CDO1: variants seen among roughly 807,000 people sequenced by gnomAD.
The protein encoded by CDO1 is cysteine dioxygenase type 1.
A neutral mutation model predicts 24.5 loss-of-function variants in CDO1; 19 were observed. That is an observed-to-expected ratio of 0.77 (90% CI 0.54 to 1.14). The LOEUF is 1.14. Ranked by LOEUF, CDO1 falls within the 50% of genes most tolerant of loss-of-function variation. The pLI is 0.00. For synonymous variants in CDO1, 91 were observed against 87.0 expected, an observed-to-expected ratio of 1.05 and a Z score of -0.26; for missense variants, 244 against 244.8, an observed-to-expected ratio of 1.00 and a Z score of 0.02.
rs1387767927 is a variant in CDO1, at chr5:115,805,270, C to T, written c.*163G>A. On this transcript the variant is annotated 3_prime_UTR_variant, in exon 5 of 5. Coordinates refer to ENST00000250535, the MANE Select transcript of CDO1 (RefSeq NM_001801.3). Reference sequence around the variant, plus strand: ...TTTTCTTCTGCAGTAGCTGAGGGCACTATTTGCTTACTTAATGCCTTATAA... The same window carrying T: ...TTTTCTTCTGCAGTAGCTGAGGGCATTATTTGCTTACTTAATGCCTTATAA... The T allele has an allele frequency of 1.2e-5, 7 of 563,432 alleles. No individual in the cohort carries two copies. The Admixed American group carries it at 1.4e-4, about 11-fold the overall frequency. The allele number at this position is 563,432 out of a possible 1,614,324, so 34.9% of individuals were successfully genotyped here.
At chr5:115,809,814 AC>A (rs1009420684) in intron 3 of CDO1, 1 of 152,128 alleles carries the variant, frequency 6.6e-6, no homozygotes, top group African/African-American at 2.4e-5. Flanking sequence ...TTCATATAAA[AC>A]CCAGAATTTC....
rs1485891221 is a variant in CDO1, at chr5:115,816,643, A to G, written c.-246T>C. The G allele has an allele frequency of 3.9e-6, 2 of 511,702 alleles. No individual in the cohort carries two copies. Among genetic ancestry groups the G allele is most frequent in the South Asian group, 2.1e-5 (1 of 47,166 alleles). The allele number at this position is 511,702 out of a possible 1,614,324, so 31.7% of individuals were successfully genotyped here. The stretch of plus-strand genomic sequence containing the variant: ...CGCTGGAGACGCGGTGCACACACAA[A>G]TCAGGTTCAGATCTGTGGGGTTCAT... On this transcript the variant is annotated 5_prime_UTR_variant, in exon 1 of 5. Coordinates refer to ENST00000250535, the MANE Select transcript of CDO1 (RefSeq NM_001801.3).
chr5:115,811,142 A>C lies in CDO1; in HGVS notation c.403+19T>G. 6.2e-7 allele frequency: 1 copy of C among 1,606,236 alleles called. No individual in the cohort carries two copies. Reference sequence around the variant, plus strand: ...CATGGTTCTTCCCACTTGCCCTTAGAAAAAGAATAAGATGTTACCATTGAT... The same window carrying C: ...CATGGTTCTTCCCACTTGCCCTTAGCAAAAGAATAAGATGTTACCATTGAT... On this transcript the variant is annotated intron_variant, in intron 3 of 4. Transcript: ENST00000250535.
At chr5:115,813,031 G>C (rs1470725251) in intron 2 of CDO1, 150 bp downstream of exon 2, 5 of 487,734 alleles carry the variant, frequency 1.0e-5, no homozygotes, top group Non-Finnish European at 1.7e-5. Flanking sequence ...TGGGCAACAA[G>C]AGTGAACCAC....
At chr5:115,814,653 ATC>A (rs1190482186) in intron 1 of CDO1, among the ~76,000 whole-genome samples, 1 of 152,218 alleles carries the variant, frequency 6.6e-6, no homozygotes, top group African/African-American at 2.4e-5. Flanking sequence ...GAGTTTGTCA[ATC>A]GAGACTAGTT....
intron 3 of CDO1, among the ~76,000 whole-genome samples, chr5:115,808,936 A>G (rs1362755171): frequency 1.3e-5 from 2 of 152,222 alleles, no homozygotes; most frequent in African/African-American, 4.8e-5. Flanking sequence ...GCATAGAACC[A>G]GAAGACTTAA....
At chr5:115,816,090 C>T (rs982833880) in intron 1 of CDO1, 138 bp downstream of exon 1, 5 of 612,216 alleles carry the variant, frequency 8.2e-6, no homozygotes, top group East Asian at 4.3e-5. Context: ...CCGCGGCTGG[C>T]CAGCGAGGGG....
At chr5:115,810,479 T>G (rs1760139571) in intron 3 of CDO1, among the ~76,000 whole-genome samples, 1 of 152,192 alleles carries the variant, frequency 6.6e-6, no homozygotes, top group Non-Finnish European at 1.5e-5. Context: ...AAAAGCTGAG[T>G]AACCTTGGAC....
At chr5:115,811,507 T>C (rs1760189212) in intron 2 of CDO1, among the ~76,000 whole-genome samples, 192 bp from the exon 3 acceptor site, 1 of 152,180 alleles carries the variant, frequency 6.6e-6, no homozygotes, top group Admixed American at 6.5e-5. Context: ...TAATAATATA[T>C]CATCTATATC....
intron 2 of CDO1, among the ~76,000 whole-genome samples, chr5:115,811,816 G>A (rs1760200966): frequency 6.6e-6 from 1 of 152,180 alleles, no homozygotes; most frequent in South Asian, 2.1e-4. Context: ...AGCTGTGGGA[G>A]AGAAGGTATC....
intron 3 of CDO1, among the ~76,000 whole-genome samples, chr5:115,810,242 C>T (rs1760127429): frequency 6.6e-6 from 1 of 152,076 alleles, no homozygotes; most frequent in Non-Finnish European, 1.5e-5. Flanking sequence ...AACTAACATC[C>T]TTGTGTTATG....
Position 115,808,896 on chromosome 5 carries a change from C to G in CDO1, c.403+2265G>C, listed in dbSNP as rs563645987. Among the ~76,000 whole-genome samples, 3 of 152,276 alleles carry G rather than the reference C, an allele frequency of 2.0e-5. No homozygotes were observed. In the East Asian group the frequency reaches 5.8e-4, roughly 29 times the overall value. On this transcript the variant is annotated intron_variant, in intron 3 of 4. Transcript: ENST00000250535. ...GTGCTTTCTTCTTTATGATCTAGCT[C>G]CATGAGTGCACATCATAAAGAAGAA...
At chr5:115,810,185 C>T (rs62371471) in intron 3 of CDO1, among the ~76,000 whole-genome samples, 159 of 152,120 alleles carry the variant, frequency 1.0e-3, no homozygotes, top group Non-Finnish European at 1.4e-3. Flanking sequence ...AGATAGCAAC[C>T]CTCACATTAT....
chr5:115,813,083 G>C, intron 2 of CDO1, 98 bp downstream of exon 2: 1 of 307,190 alleles, frequency 3.3e-6, no homozygotes, highest in Non-Finnish European at 6.3e-6. Flanking sequence ...AATGAGATTT[G>C]TTACTACTTG....
rs914591412 is a variant in CDO1 at position 115,804,774 on chromosome 5, A to G, written c.*659T>C. On this transcript the variant is annotated 3_prime_UTR_variant, in exon 5 of 5. Coordinates refer to ENST00000250535, the MANE Select transcript of CDO1 (RefSeq NM_001801.3). ...TTTATTTAAATTATTTGGTAATTTT[A>G]GCAGTACAAAATCTTTGACTATGAC... The G allele has an allele frequency of 1.1e-4, 16 of 152,280 alleles. No individual in the cohort carries two copies. Among genetic ancestry groups the G allele is most frequent in the African/African-American group, 3.8e-4 (16 of 41,560 alleles). 9.4% of individuals were successfully genotyped at this position (152,280 alleles called of 1,614,324 possible).
intron 2 of CDO1, among the ~76,000 whole-genome samples, chr5:115,812,347 A>T (rs1163551095): frequency 6.6e-6 from 1 of 152,248 alleles, no homozygotes; most frequent in African/African-American, 2.4e-5. Flanking sequence ...TACTTAGTTG[A>T]TAATAAGACT....
Position 115,806,516 on chromosome 5 carries a change from A to T in CDO1, c.406T>A (p.Ser136Thr). 1 of 1,602,602 alleles carries T rather than the reference A, an allele frequency of 6.2e-7. No homozygotes were observed. Among genetic ancestry groups the T allele is most frequent in the Non-Finnish European group, 8.5e-7 (1 of 1,176,542 alleles). The part of the protein sequence containing the change: ...RENQCAYIND[S>T]IGLHRVENIS... Reference sequence around the variant, plus strand: ...TTCTCTACTCGATGTAAGCCAATGGAATCTAAACAATATCCGGGAAGGAAA... The same window carrying T: ...TTCTCTACTCGATGTAAGCCAATGGTATCTAAACAATATCCGGGAAGGAAA... The change falls in exon 4 of 5, where the codon TCC (serine) becomes ACC (threonine). Residue 136 changes from serine (S) to threonine (T), a missense_variant and splice_region_variant. Ser to Thr is a moderately conservative substitution (Grantham distance 58). Coordinates refer to ENST00000250535, the MANE Select transcript of CDO1 (RefSeq NM_001801.3).
chr5:115,816,494 G>T lies in CDO1; in HGVS notation c.-97C>A. 2 of 1,301,412 alleles carry T rather than the reference G, an allele frequency of 1.5e-6. No individual in the cohort carries two copies. Among genetic ancestry groups the T allele is most frequent in the Non-Finnish European group, 2.2e-6 (2 of 923,422 alleles). The allele number at this position is 1,301,412 out of a possible 1,614,324, so 80.6% of individuals were successfully genotyped here. On this transcript the variant is annotated 5_prime_UTR_variant, in exon 1 of 5. Coordinates refer to ENST00000250535, the MANE Select transcript of CDO1 (RefSeq NM_001801.3). ...TGGGGGCGAGGGAGCCTAACAGCCCGCTAGACCGCTAAGCAGACACACACG... is the reference window on the plus strand; with the variant it reads ...TGGGGGCGAGGGAGCCTAACAGCCCTCTAGACCGCTAAGCAGACACACACG...
chr5:115,808,650 A>C (rs1760054329), intron 3 of CDO1, among the ~76,000 whole-genome samples: 1 of 152,186 alleles, frequency 6.6e-6, no homozygotes, highest in South Asian at 2.1e-4. Flanking sequence ...CCTAGAGATC[A>C]ACGAATCTGT....
Sources: allele counts gnomAD v4.1 joint callset (sites outside exome capture counted in the v4.1 genomes callset), GRCh38; gene constraint gnomAD v4.1.1; transcripts MANE v1.5; gene names NCBI Gene and HGNC (gene_info 2026-07-23, HGNC 2026-07-21).